Variants in STPG2 observed in about 807,000 individuals in gnomAD.
STPG2 encodes the protein sperm tail PG-rich repeat containing 2.
Under a neutral mutation model 54.2 loss-of-function variants are expected in STPG2, and 56 were observed. That is an observed-to-expected ratio of 1.03 (90% CI 0.83 to 1.29). The LOEUF is 1.29. Ranked by LOEUF, STPG2 falls within the 50% of genes most tolerant of loss-of-function variation. STPG2 has a pLI of 0.00. For synonymous variants in STPG2, 200 were observed against 181.8 expected (o/e 1.10, Z -0.81); for missense variants, 596 against 544.9 (o/e 1.09, Z -0.93).
intron 4 of STPG2, among the ~76,000 whole-genome samples, chr4:97,487,951 T>C (rs1370635128): frequency 2.0e-5 from 3 of 151,492 alleles, no homozygotes; most frequent in African/African-American, 4.8e-5. Context: ...AATACATGTG[T>C]AATATAAAAG....
At chr4:98,092,202 T>C (rs1738714396) in intron 5 of STPG2, among the ~76,000 whole-genome samples, 2 of 152,118 alleles carry the variant, frequency 1.3e-5, no homozygotes, top group Non-Finnish European at 2.9e-5. Flanking sequence ...CTTTTAATAA[T>C]TCAACCCTTC....
At chr4:97,689,038 C>A (rs757451159) in intron 10 of STPG2, among the ~76,000 whole-genome samples, 1 of 152,186 alleles carries the variant, frequency 6.6e-6, no homozygotes, top group East Asian at 1.9e-4. Flanking sequence ...GTACTGAGTG[C>A]TATACTTTCT....
chr4:97,951,509 T>C (rs1055401298), intron 7 of STPG2, among the ~76,000 whole-genome samples: 1 of 152,138 alleles, frequency 6.6e-6, no homozygotes, highest in East Asian at 1.9e-4. Flanking sequence ...TATTTCTTTT[T>C]CCCCCCTTAA....
chr4:97,469,760 C>T (rs985701773), intron 4 of STPG2, among the ~76,000 whole-genome samples: 3 of 151,916 alleles, frequency 2.0e-5, no homozygotes, highest in African/African-American at 7.3e-5. Flanking sequence ...AGAAATACCA[C>T]AGAAAGACAC....
chr4:98,127,969 G>A (rs1285080246), intron 3 of STPG2, among the ~76,000 whole-genome samples: 1 of 152,120 alleles, frequency 6.6e-6, no homozygotes, highest in Non-Finnish European at 1.5e-5. Flanking sequence ...CTGTGGCAGA[G>A]ACTCCTAATA....
chr4:97,628,495 C>A lies in STPG2; in HGVS notation c.1321-69378G>T, dbSNP rs190312953. ...TGAAGAAATGGAAACTAAATACACT[C>A]CTATAATTTGTGATTTGTATTTTAA... is the stretch of plus-strand genomic sequence containing the variant. On this transcript the variant is annotated intron_variant, in intron 10 of 10. Coordinates refer to ENST00000295268, the MANE Select transcript of STPG2 (RefSeq NM_174952.3). 9.9e-5 allele frequency among the ~76,000 whole-genome samples: 15 copies of A among 152,132 alleles called. No individual in the cohort carries two copies. The East Asian group carries it at 2.9e-3, about 29-fold the overall frequency.
chr4:97,598,808 C>A (rs554983743), intron 10 of STPG2, among the ~76,000 whole-genome samples: 6 of 152,194 alleles, frequency 3.9e-5, no homozygotes, highest in African/African-American at 1.2e-4. Context: ...AAACCTAAAT[C>A]TATAAAAACC....
intron 10 of STPG2, among the ~76,000 whole-genome samples, chr4:97,707,029 T>G (rs2149002771): frequency 6.6e-6 from 1 of 152,226 alleles, no homozygotes; most frequent in African/African-American, 2.4e-5. Context: ...AGGGAGAAAT[T>G]GCTGGTACAA....
chr4:97,925,944 G>A (rs1006105387), intron 8 of STPG2, among the ~76,000 whole-genome samples: 4 of 152,076 alleles, frequency 2.6e-5, no homozygotes, highest in Non-Finnish European at 5.9e-5. Flanking sequence ...CTTAATGACG[G>A]TGGCATTTCC....
At chr4:97,989,301 A>G (rs924732373) in intron 5 of STPG2, among the ~76,000 whole-genome samples, 1 of 152,136 alleles carries the variant, frequency 6.6e-6, no homozygotes, top group Admixed American at 6.5e-5. Context: ...GCGTTAGCCT[A>G]TTTTCTGAAG....
intron 3 of STPG2, among the ~76,000 whole-genome samples, chr4:98,127,000 A>G (rs2903154): frequency 0.39 from 59,067 of 151,416 alleles, 11,713 homozygotes; most frequent in Middle Eastern, 0.45. Flanking sequence ...ATATACTCAT[A>G]CGGTTATATC....
chr4:97,962,609 T>C (rs1371035904), intron 7 of STPG2, among the ~76,000 whole-genome samples: 2 of 152,210 alleles, frequency 1.3e-5, no homozygotes, highest in African/African-American at 4.8e-5. Flanking sequence ...AGTTTTAAAT[T>C]GTCAACAAGA....
At chr4:97,846,086 T>C (rs1481612801) in intron 8 of STPG2, among the ~76,000 whole-genome samples, 1 of 151,878 alleles carries the variant, frequency 6.6e-6, no homozygotes, top group Non-Finnish European at 1.5e-5. Flanking sequence ...GAAGTATTTA[T>C]TGAATACTGA....
chr4:98,041,770 T>C (rs1355593888), intron 5 of STPG2, among the ~76,000 whole-genome samples: 1 of 151,990 alleles, frequency 6.6e-6, no homozygotes, highest in Non-Finnish European at 1.5e-5. Flanking sequence ...TCTGTGTTCA[T>C]CAGAGATATT....
intron 5 of STPG2, among the ~76,000 whole-genome samples, chr4:98,058,382 G>A (rs942194836): frequency 6.6e-6 from 1 of 152,062 alleles, no homozygotes; most frequent in African/African-American, 2.4e-5. Flanking sequence ...CAAACAAATG[G>A]AAAACAGAAG....
chr4:98,038,131 TCC>T (rs67361660), intron 5 of STPG2, among the ~76,000 whole-genome samples: 59,156 of 151,832 alleles, frequency 0.39, 11,724 homozygotes, highest in Middle Eastern at 0.46. Flanking sequence ...CACCTCAGCC[TCC>T]CAAGTACCTA....
At position 98,028,369 on chromosome 4, in the gene STPG2, C is replaced by T. The variant is rs1736494812; in HGVS notation, c.613-47051G>A. Among the ~76,000 whole-genome samples the T allele has an allele frequency of 2.0e-5, 3 of 152,190 alleles. No individual in the cohort carries two copies. The South Asian group carries it at 6.2e-4, about 31-fold the overall frequency. ...ACCTCAGCACACCTTCAACACTTGG[C>T]AGTCTCCTTATCCAAATCCAAGGAC... On this transcript the variant is annotated intron_variant, in intron 5 of 10. Coordinates refer to ENST00000295268, the MANE Select transcript of STPG2 (RefSeq NM_174952.3).
At chr4:97,773,482 T>C (rs1028458297) in intron 9 of STPG2, among the ~76,000 whole-genome samples, 8 of 152,052 alleles carry the variant, frequency 5.3e-5, no homozygotes, top group Non-Finnish European at 4.4e-5. Flanking sequence ...TGGCTAAATG[T>C]TTTTTCTTTT....
chr4:97,899,403 C>T (rs1403326187), intron 8 of STPG2, among the ~76,000 whole-genome samples: 1 of 151,806 alleles, frequency 6.6e-6, no homozygotes, highest in Non-Finnish European at 1.5e-5. Context: ...CTGCCCAAAG[C>T]AATTTACAGA....
Sources: gnomAD v4.1 joint callset for allele counts (sites outside exome capture counted in the v4.1 genomes callset) on GRCh38, gnomAD v4.1.1 for gene constraint, MANE v1.5 for transcripts, NCBI Gene and HGNC (gene_info 2026-07-23, HGNC 2026-07-21) for gene names.